DERL1: variants seen among roughly 807,000 people sequenced by gnomAD.
DERL1 encodes the protein derlin-1.
In DERL1, 24 loss-of-function variants were observed where a neutral mutation model predicts 41.6. The ratio of observed to expected loss-of-function variants is 0.58; its 90% CI spans 0.42 to 0.81. The LOEUF is 0.81. Among genes scored for constraint, DERL1 ranks in the 30% least tolerant of loss-of-function variants. The pLI is 0.00. For synonymous variants in DERL1, 124 were observed against 112.5 expected, an observed-to-expected ratio of 1.10 and a Z score of -0.65; for missense variants, 260 against 314.3, an observed-to-expected ratio of 0.83 and a Z score of 1.31.
At chr8:123,033,512 G>A (rs546991896) in intron 1 of DERL1, among the ~76,000 whole-genome samples, 69 of 152,340 alleles carry the variant, frequency 4.5e-4, no homozygotes, top group African/African-American at 1.6e-3. Context: ...GGGAGGCCGA[G>A]GTGGGCAGAT....
At chr8:123,032,149 C>T (rs1812830754) in intron 1 of DERL1, among the ~76,000 whole-genome samples, 2 of 151,362 alleles carry the variant, frequency 1.3e-5, no homozygotes, top group African/African-American at 4.9e-5. Context: ...TTTTTTTCCC[C>T]CCCGAGATAG....
Position 123,042,023 on chromosome 8 carries a change from T to G in DERL1, c.100A>C (p.Ile34Leu), listed in dbSNP as rs765222212. The G allele has an allele frequency of 8.7e-6, 14 of 1,613,794 alleles. No homozygotes were observed. The highest frequency in any genetic ancestry group is 1.2e-5 in the Non-Finnish European group (14 of 1,179,914). ...AVPLVGKLGL[I>L]SPAYLFLWPE... ...CAGAGGAAGAGGTAGGCCGGGCTGATGAGGCCGAGTTTGCCGACCAAGGGC... is the reference window on the plus strand; with the variant it reads ...CAGAGGAAGAGGTAGGCCGGGCTGAGGAGGCCGAGTTTGCCGACCAAGGGC... The change falls in exon 1 of 8, where the codon ATC becomes CTC. Residue 34 changes from isoleucine to leucine, a missense_variant. Ile to Leu is a conservative substitution (Grantham distance 5, BLOSUM62 2). Coordinates refer to ENST00000259512, the MANE Select transcript of DERL1 (RefSeq NM_024295.6).
rs1236882453 is a variant in DERL1, at chr8:123,025,023, T to C, written c.293A>G (p.Tyr98Cys). The change falls in exon 3 of 8, where the codon TAT becomes TGT. Residue 98 changes from tyrosine to cysteine, a missense_variant. Tyr to Cys is a radical substitution (Grantham distance 194). Coordinates refer to ENST00000259512, the MANE Select transcript of DERL1 (RefSeq NM_024295.6). ...CCAGTTAAAGAGGAGCATGAATAAATAGTCTGCTGGCCTCCCATCAAAAGC... is the reference window on the plus strand; with the variant it reads ...CCAGTTAAAGAGGAGCATGAATAAACAGTCTGCTGGCCTCCCATCAAAAGC... ...TGAFDGRPADYLFMLLFNWIC... is the reference protein window; with the variant it reads ...TGAFDGRPADCLFMLLFNWIC... 3 of 1,613,656 alleles carry C rather than the reference T, an allele frequency of 1.9e-6. No individual in the cohort carries two copies. The highest frequency in any genetic ancestry group is 2.2e-5 in the East Asian group (1 of 44,866).
chr8:123,032,358 T>C (rs972916935), intron 1 of DERL1, among the ~76,000 whole-genome samples: 2 of 152,096 alleles, frequency 1.3e-5, no homozygotes, highest in African/African-American at 4.8e-5. Flanking sequence ...TGGTCTCAAA[T>C]TCCTGAGCTC....
chr8:123,040,497 A>G (rs1487269351), intron 1 of DERL1, among the ~76,000 whole-genome samples: 1 of 152,234 alleles, frequency 6.6e-6, no homozygotes, highest in Non-Finnish European at 1.5e-5. Context: ...GGAGAGTAGT[A>G]GGAGATGAGG....
chr8:123,034,164 GGACTGGCCACATACA>G (rs1812874408), intron 1 of DERL1, among the ~76,000 whole-genome samples: 1 of 152,182 alleles, frequency 6.6e-6, no homozygotes, highest in Admixed American at 6.5e-5. Context: ...TCAGTCACGG[GGACTGGCCACATACA>G]GACTGGCCAG....
Position 123,042,056 on chromosome 8 carries a change from C to G in DERL1, c.67G>C (p.Val23Leu), listed in dbSNP as rs546528242. 9 of 1,613,866 alleles carry G rather than the reference C, an allele frequency of 5.6e-6. No homozygotes were observed. Among genetic ancestry groups the G allele is most frequent in the Middle Eastern group, 1.6e-4 (1 of 6,062 alleles). Residue 23 changes from valine to leucine, a missense_variant, in exon 1 of 8, where the codon GTC becomes CTC. Coordinates refer to ENST00000259512, the MANE Select transcript of DERL1 (RefSeq NM_024295.6). ...AGTTTGCCGACCAAGGGCACGGCGA[C>G]GGTGGCGGCGAACCAATAGCGCGTG... Reference protein sequence around the residue: ...AITRYWFAATVAVPLVGKLGL... With the variant: ...AITRYWFAATLAVPLVGKLGL...
chr8:123,030,552 T>G, intron 2 of DERL1, 53 bp downstream of exon 2: 1 of 1,297,892 alleles, frequency 7.7e-7, no homozygotes, highest in Non-Finnish European at 1.1e-6. Context: ...AGTAAACACA[T>G]GGATTAGTAA....
At chr8:123,023,531 A>G (rs1393073783) in intron 4 of DERL1, among the ~76,000 whole-genome samples, 182 bp downstream of exon 4, 1 of 152,206 alleles carries the variant, frequency 6.6e-6, no homozygotes, top group South Asian at 2.1e-4. Context: ...CTCCAGCCTG[A>G]GCAACACAGC....
At chr8:123,018,877 C>G in intron 7 of DERL1, 1 of 341,634 alleles carries the variant, frequency 2.9e-6, no homozygotes, top group Non-Finnish European at 5.4e-6. Flanking sequence ...GTGACTCTGC[C>G]CATTCACCAG....
chr8:123,026,567 C>T (rs559570057), intron 2 of DERL1, among the ~76,000 whole-genome samples: 77 of 152,306 alleles, frequency 5.1e-4, no homozygotes, highest in African/African-American at 1.8e-3. Context: ...TAACTTAAAG[C>T]TGTGTGGTTG....
Position 123,042,151 on chromosome 8 carries a change from A to T in DERL1, c.-29T>A, listed in dbSNP as rs535093611. 9 of 1,573,620 alleles carry T rather than the reference A, an allele frequency of 5.7e-6. No homozygotes were observed. Among genetic ancestry groups the T allele is most frequent in the Non-Finnish European group, 6.9e-6 (8 of 1,154,774 alleles). On this transcript the variant is annotated 5_prime_UTR_variant, in exon 1 of 8. Transcript: ENST00000259512. ...CGACCCACAGGTAGCCAAGATGCAC[A>T]AGACCGCCCGACTCCCCGTGCCGAC...
At chr8:123,018,294 C>T (rs563454527) in intron 7 of DERL1, 7 of 152,250 alleles carry the variant, frequency 4.6e-5, no homozygotes, top group African/African-American at 7.2e-5. Flanking sequence ...GCCCGTTCTT[C>T]GACAGCCTTT....
At chr8:123,018,707 A>C in intron 7 of DERL1, 1 of 163,644 alleles carries the variant, frequency 6.1e-6, no homozygotes, top group Non-Finnish European at 1.3e-5. Context: ...TACAAACCTC[A>C]AGTCTCTCAT....
intron 1 of DERL1, among the ~76,000 whole-genome samples, chr8:123,035,913 G>C (rs1442231664): frequency 2.0e-5 from 3 of 151,780 alleles, no homozygotes; most frequent in Non-Finnish European, 4.4e-5. Context: ...AGGATCACTT[G>C]ATTCGGACTT....
Position 123,034,691 on chromosome 8 carries a change from A to G in DERL1, c.154-3975T>C, listed in dbSNP as rs116276776. 6.4e-3 allele frequency among the ~76,000 whole-genome samples: 970 copies of G among 152,326 alleles called. 8 individuals are homozygous for G. The highest frequency in any genetic ancestry group is 0.022 in the African/African-American group (927 of 41,558). On this transcript the variant is annotated intron_variant, in intron 1 of 7. Transcript: ENST00000259512. ...GTCAGTATTATGAGGTACAATTACA[A>G]TTAGTGTAAGTGTTCACTACTACAG...
intron 7 of DERL1, chr8:123,016,855 T>A (rs1814588355): frequency 6.6e-6 from 1 of 152,434 alleles, no homozygotes; most frequent in African/African-American, 2.4e-5. Context: ...TTTTGTTTTT[T>A]TTTGAGACGG....
chr8:123,041,310 G>C (rs1253247302), intron 1 of DERL1, among the ~76,000 whole-genome samples: 2 of 152,178 alleles, frequency 1.3e-5, no homozygotes, highest in Non-Finnish European at 2.9e-5. Flanking sequence ...TCAGAAAACT[G>C]GCACTCTCTT....
chr8:123,018,973 T>C, intron 7 of DERL1: 1 of 542,000 alleles, frequency 1.8e-6, no homozygotes, highest in Non-Finnish European at 3.3e-6. Flanking sequence ...GGAATCTAGT[T>C]GTCAGTGGTC....
Sources: gnomAD v4.1 joint callset for allele counts (sites outside exome capture counted in the v4.1 genomes callset) on GRCh38, gnomAD v4.1.1 for gene constraint, MANE v1.5 for transcripts, NCBI Gene and HGNC (gene_info 2026-07-23, HGNC 2026-07-21) for gene names.